Variants in AP1M1 observed in about 807,000 individuals in gnomAD.
AP1M1 encodes the protein adaptor related protein complex 1 subunit mu 1.
AP1M1 carries 18 observed loss-of-function variants against 57.1 expected under a neutral mutation model. The ratio of observed to expected loss-of-function variants is 0.32; its 90% CI spans 0.22 to 0.47. The LOEUF (loss-of-function observed/expected upper bound fraction) is 0.47, where lower values mean the gene tolerates loss of function less well. Ranked by LOEUF, AP1M1 falls within the 20% of genes least tolerant of loss-of-function variation. The probability of loss-of-function intolerance (pLI) is 1.00; values close to 1 mark genes in which losing one functional copy is unlikely to be tolerated. For synonymous variants in AP1M1, 241 were observed against 237.9 expected (o/e 1.01, Z -0.12); for missense variants, 362 against 593.5 (o/e 0.61, Z 4.05).
chr19:16,208,799 C>T (rs1168331527), intron 4 of AP1M1: 2 of 491,072 alleles, frequency 4.1e-6, no homozygotes, highest in Non-Finnish European at 7.2e-6. Flanking sequence ...ACTTCAGCCT[C>T]TATAACTTGA....
rs910894276 is a variant in AP1M1 at position 16,206,704 on chromosome 19, G to T, written c.267+296G>T. ...AGCAGGGGTCAGCGAGCTTTGGAAGGATGTGGGGTGACCAGCTGGATGGGG... is the reference window on the plus strand; with the variant it reads ...AGCAGGGGTCAGCGAGCTTTGGAAGTATGTGGGGTGACCAGCTGGATGGGG... On this transcript the variant is annotated intron_variant, in intron 3 of 11. Transcript: ENST00000291439. The surrounding 1 kb of genome is among the most constrained non-coding windows in gnomAD (Gnocchi z 4.3). Among the ~76,000 whole-genome samples the T allele has an allele frequency of 2.6e-5, 4 of 152,314 alleles. No homozygotes were observed. Among genetic ancestry groups the T allele is most frequent in the African/African-American group, 9.6e-5 (4 of 41,570 alleles).
At chr19:16,231,313 CAG>C (rs371509285) in intron 9 of AP1M1, among the ~76,000 whole-genome samples, 2,448 of 42,692 alleles carry the variant, frequency 0.057, 58 homozygotes, top group Non-Finnish European at 0.082. Flanking sequence ...AAAAAAAACA[CAG>C]AGAGAGATTA....
chr19:16,232,540 C>T (rs1012405120), intron 9 of AP1M1, among the ~76,000 whole-genome samples: 4 of 152,226 alleles, frequency 2.6e-5, no homozygotes, highest in Admixed American at 6.5e-5. Flanking sequence ...TTACCAGTTG[C>T]TGATGTCGCA....
At chr19:16,210,390 C>T (rs2091488685) in intron 5 of AP1M1, 3 of 718,262 alleles carry the variant, frequency 4.2e-6, no homozygotes, top group Non-Finnish European at 7.8e-6. Flanking sequence ...ATGGCTGGGT[C>T]ACACGGTAAG....
intron 5 of AP1M1, among the ~76,000 whole-genome samples, chr19:16,225,259 C>T (rs2091566297): frequency 1.3e-5 from 2 of 152,260 alleles, no homozygotes; most frequent in South Asian, 4.1e-4. Context: ...TCTCCTGCCA[C>T]TCTGCAGACA....
In AP1M1 at chr19:16,228,956, G is replaced by A. The variant is rs1236967605; in HGVS notation, c.1047+28G>A. The A allele has an allele frequency of 2.5e-6, 4 of 1,604,434 alleles. No homozygotes were observed. Among genetic ancestry groups the A allele is most frequent in the African/African-American group, 2.7e-5 (2 of 74,832 alleles). ...GAGCACTCTGTCCAGACATCCACGTGCCCCCTGCGCCTGTCTCTGCAAGGC... is the reference window on the plus strand; with the variant it reads ...GAGCACTCTGTCCAGACATCCACGTACCCCCTGCGCCTGTCTCTGCAAGGC... On this transcript the variant is annotated intron_variant, in intron 9 of 11. Transcript: ENST00000291439. This position sits in a 1 kb window ranked among gnomAD's most constrained non-coding sequence, Gnocchi z 5.0.
At position 16,208,157 on chromosome 19, in the gene AP1M1, G is replaced by C. The variant is rs1316438802; in HGVS notation, c.398+8G>C. 1.2e-6 allele frequency: 2 copies of C among 1,610,258 alleles called. No homozygotes were observed. Among genetic ancestry groups the C allele is most frequent in the Non-Finnish European group, 1.7e-6 (2 of 1,177,980 alleles). Reference sequence around the variant, plus strand: ...CAGCAAGATCCTGCAGGAGTGAGTGGGCAGGGGTGGGGCCTGGGGCCAGGC... The same window carrying C: ...CAGCAAGATCCTGCAGGAGTGAGTGCGCAGGGGTGGGGCCTGGGGCCAGGC... On this transcript the variant is annotated splice_region_variant and intron_variant, in intron 4 of 11. Transcript: ENST00000291439.
At chr19:16,200,086 C>T (rs1021061847) in intron 1 of AP1M1, among the ~76,000 whole-genome samples, 1 of 152,278 alleles carries the variant, frequency 6.6e-6, no homozygotes, top group East Asian at 1.9e-4. Flanking sequence ...ATGCATGAGA[C>T]AGGCTCAGCA....
At position 16,240,238 on chromosome 19, in the gene AP1M1, G is replaced by A. The variant is rs1163938266; in HGVS notation, c.*5803G>A. 5 of 144,004 alleles carry A rather than the reference G, an allele frequency of 3.5e-5. No individual in the cohort carries two copies. Among genetic ancestry groups the A allele is most frequent in the African/African-American group, 8.0e-5 (3 of 37,644 alleles). The allele number at this position is 144,004 out of a possible 1,614,324, so 8.9% of individuals were successfully genotyped here. On this transcript the variant is annotated 3_prime_UTR_variant, in exon 12 of 12. Coordinates refer to ENST00000291439, the MANE Select transcript of AP1M1 (RefSeq NM_032493.4). ...CAATCCCTTGAGGATATGGAGGGAC[G>A]ACTCTGTGTGTGTGTGTGTGTGTGT... is the stretch of plus-strand genomic sequence containing the variant.
rs2091651408 is a variant in AP1M1, at chr19:16,243,241, AG to A, written c.*8808del. On this transcript the variant is annotated 3_prime_UTR_variant, in exon 12 of 12. Transcript: ENST00000291439. ...ACTTTAAAATATTTCCAAATATGAG[AG>A]GTTTTTTTTGTTTTTGTTTTTGTTT... is the stretch of plus-strand genomic sequence containing the variant. The A allele has an allele frequency of 7.3e-6, 1 of 136,264 alleles. No homozygotes were observed. Among genetic ancestry groups the A allele is most frequent in the East Asian group, 2.2e-4 (1 of 4,450 alleles). The allele number at this position is 136,264 out of a possible 1,614,324, so 8.4% of individuals were successfully genotyped here.
Position 16,230,620 on chromosome 19 carries a change from C to G in AP1M1, c.1047+1692C>G, listed in dbSNP as rs548068056. On this transcript the variant is annotated intron_variant, in intron 9 of 11. Transcript: ENST00000291439. The stretch of plus-strand genomic sequence containing the variant: ...TTCACCATGTTGGCCAAGCTGGTGA[C>G]GAACTCCTGACCTTGTGATCCGCCT... Among the ~76,000 whole-genome samples the G allele has an allele frequency of 2.6e-5, 4 of 152,140 alleles. No homozygotes were observed. The South Asian group carries it at 8.3e-4, about 32-fold the overall frequency.
intron 9 of AP1M1, among the ~76,000 whole-genome samples, chr19:16,232,593 T>TCA (rs2091603673): frequency 6.6e-6 from 1 of 152,200 alleles, no homozygotes; most frequent in Non-Finnish European, 1.5e-5. Context: ...TCAGCACATG[T>TCA]CACCAAGTCA....
At position 16,197,955 on chromosome 19, in the gene AP1M1, A is replaced by T; in HGVS notation, c.-72A>T. 1 of 1,058,408 alleles carries T rather than the reference A, an allele frequency of 9.4e-7. No homozygotes were observed. Among genetic ancestry groups the T allele is most frequent in the Non-Finnish European group, 1.2e-6 (1 of 837,736 alleles). 65.6% of individuals were successfully genotyped at this position (1,058,408 alleles called of 1,614,324 possible). A position where few individuals can be genotyped will look rare whatever the true frequency, so the allele number is the denominator to read the frequency against. On this transcript the variant is annotated 5_prime_UTR_variant, in exon 1 of 12. Transcript: ENST00000291439. Reference sequence around the variant, plus strand: ...CGCGGGCGGCGCCCGGCCTTGCTCAACGCCCAGCAGTCCCCACCGTCGCTG... The same window carrying T: ...CGCGGGCGGCGCCCGGCCTTGCTCATCGCCCAGCAGTCCCCACCGTCGCTG...
At position 16,226,524 on chromosome 19, in the gene AP1M1, A is replaced by G. The variant is rs1179943711; in HGVS notation, c.650A>G (p.Lys217Arg). Residue 217 changes from lysine (K) to arginine (R), a missense_variant, in exon 6 of 12, where the codon AAG becomes AGG. Coordinates refer to ENST00000291439, the MANE Select transcript of AP1M1 (RefSeq NM_032493.4). ...GAGCTGCGCCTGGGCCTCAACGACA[A>G]GGTCCTCTTTGACAACACGGGCCGT... ...MPELRLGLND[K>R]VLFDNTGRGK... 1.9e-6 allele frequency: 3 copies of G among 1,592,358 alleles called. No homozygotes were observed. Among genetic ancestry groups the G allele is most frequent in the Non-Finnish European group, 2.6e-6 (3 of 1,168,310 alleles).
At chr19:16,232,501 C>A (rs1225728277) in intron 9 of AP1M1, among the ~76,000 whole-genome samples, 2 of 152,198 alleles carry the variant, frequency 1.3e-5, no homozygotes, top group Non-Finnish European at 2.9e-5. Context: ...GGCTAGTCAC[C>A]GAGCGGGTTT....
Position 16,208,784 on chromosome 19 carries a change from T to C in AP1M1, c.399-246T>C, listed in dbSNP as rs536280286. On this transcript the variant is annotated intron_variant, in intron 4 of 11. Transcript: ENST00000291439. ...ACATGGTCTTCTTGGTCCCCCAAAA[T>C]GAGCACTTCAGCCTCTATAACTTGA... 2.2e-5 allele frequency: 9 copies of C among 412,428 alleles called. No individual in the cohort carries two copies. The South Asian group carries it at 4.3e-4, about 20-fold the overall frequency. The allele number at this position is 412,428 out of a possible 1,614,324, so 25.5% of individuals were successfully genotyped here.
chr19:16,219,047 T>C (rs1404022021), intron 5 of AP1M1, among the ~76,000 whole-genome samples: 1 of 148,048 alleles, frequency 6.8e-6, no homozygotes, highest in Non-Finnish European at 1.5e-5. Context: ...TTCCCTTTTA[T>C]TGCTAGTTTG....
At chr19:16,208,946 C>T in intron 4 of AP1M1, 84 bp from the exon 5 acceptor site, 1 of 1,525,890 alleles carries the variant, frequency 6.6e-7, no homozygotes, top group Non-Finnish European at 8.8e-7. Flanking sequence ...TACCCCCCAC[C>T]CAACCCTGCC....
At chr19:16,204,148 A>C (rs2091460313) in intron 2 of AP1M1, among the ~76,000 whole-genome samples, 1 of 149,918 alleles carries the variant, frequency 6.7e-6, no homozygotes, top group Non-Finnish European at 1.5e-5. Context: ...GGGACAGGAG[A>C]GGACATGGGT....
Sources: allele counts gnomAD v4.1 joint callset (sites outside exome capture counted in the v4.1 genomes callset), GRCh38; gene constraint gnomAD v4.1.1; non-coding constraint Gnocchi (gnomAD v3.1); transcripts MANE v1.5; gene names NCBI Gene and HGNC (gene_info 2026-07-23, HGNC 2026-07-21).